Variants in CARMIL3 observed in about 807,000 individuals in gnomAD.
The protein encoded by CARMIL3 is capping protein, Arp2/3 and myosin-I linker protein 3.
CARMIL3 carries 88 observed loss-of-function variants against 180.8 expected under a neutral mutation model. The observed-to-expected ratio is 0.49, with a 90% confidence interval of 0.41 to 0.58. CARMIL3 has a LOEUF of 0.58. Among genes scored for constraint, CARMIL3 ranks in the 20% least tolerant of loss-of-function variants. The pLI, the probability that CARMIL3 is intolerant of heterozygous loss-of-function variation, is 0.00. For synonymous variants in CARMIL3, 696 were observed against 714.5 expected (o/e 0.97, Z 0.41); for missense variants, 1,548 against 1,787.0 (o/e 0.87, Z 2.41).
rs753335490 is a variant in CARMIL3 at position 24,054,529 on chromosome 14, G to A, written c.362+18G>A. Reference sequence around the variant, plus strand: ...GGCCCTGGGTGAGTGGCAAATAAGGGGTCTCTTAAGGCATTAGATGAGAGG... The same window carrying A: ...GGCCCTGGGTGAGTGGCAAATAAGGAGTCTCTTAAGGCATTAGATGAGAGG... On this transcript the variant is annotated intron_variant, in intron 5 of 39. Transcript: ENST00000342740. The surrounding 1 kb of genome is among the most constrained non-coding windows in gnomAD (Gnocchi z 5.1). 1.9e-6 allele frequency: 3 copies of A among 1,607,022 alleles called. No homozygotes were observed. The highest frequency in any genetic ancestry group is 2.2e-5 in the East Asian group (1 of 44,802).
chr14:24,064,171 G>T, intron 31 of CARMIL3, 75 bp from the exon 32 acceptor site: 1 of 948,514 alleles, frequency 1.1e-6, no homozygotes, highest in South Asian at 1.4e-5. Flanking sequence ...AGCCCAAAGG[G>T]GAATGCTCTG....
chr14:24,056,681 C>T lies in CARMIL3; in HGVS notation c.925C>T (p.Leu309=). The change falls in exon 12 of 40, where the codon CTG becomes TTG. Residue 309 remains leucine, a synonymous_variant. Transcript: ENST00000342740. ...CFPSGLTKLC[L]AKTAISPRGL... ...CCCCTCTGGCCTCACCAAACTGTGCCTGGCCAAGACTGCCATTTCCCCTCG... is the reference window on the plus strand; with the variant it reads ...CCCCTCTGGCCTCACCAAACTGTGCTTGGCCAAGACTGCCATTTCCCCTCG... 1 of 1,613,638 alleles carries T rather than the reference C, an allele frequency of 6.2e-7. No individual in the cohort carries two copies. Among genetic ancestry groups the T allele is most frequent in the East Asian group, 2.2e-5 (1 of 44,884 alleles).
intron 36 of CARMIL3, 114 bp from the exon 37 acceptor site, chr14:24,068,470 T>A: frequency 1.3e-6 from 1 of 789,692 alleles, no homozygotes; most frequent in East Asian, 2.8e-5. Context: ...TAGGAGCAAG[T>A]GGGCTTGGAG....
At chr14:24,068,397 CAAAAAAAA>C (rs796263850) in intron 36 of CARMIL3, among the ~76,000 whole-genome samples, 179 bp from the exon 37 acceptor site, 1 of 66,514 alleles carries the variant, frequency 1.5e-5, no homozygotes, top group Non-Finnish European at 3.1e-5. Context: ...ACTCCATCTC[CAAAAAAAA>C]AAAAAGAAAG....
Position 24,058,982 on chromosome 14 carries a change from G to A in CARMIL3, c.1567G>A (p.Ala523Thr). Reference protein sequence around the residue: ...LFLGKNFNVKAKTLEEILHKL... With the variant: ...LFLGKNFNVKTKTLEEILHKL... Reference sequence around the variant, plus strand: ...TTTGGGCAAGAACTTCAATGTCAAGGCCAAGTGAGGCCCCCTTTCCATGCC... The same window carrying A: ...TTTGGGCAAGAACTTCAATGTCAAGACCAAGTGAGGCCCCCTTTCCATGCC... The change falls in exon 19 of 40, where the codon GCC becomes ACC. Residue 523 changes from alanine to threonine, a missense_variant. By Grantham distance (58) the Ala-to-Thr change is moderately conservative. Transcript: ENST00000342740. This position sits in a 1 kb window ranked among gnomAD's most constrained non-coding sequence, Gnocchi z 6.4. 1 of 1,614,048 alleles carries A rather than the reference G, an allele frequency of 6.2e-7. No individual in the cohort carries two copies. Among genetic ancestry groups the A allele is most frequent in the Non-Finnish European group, 8.5e-7 (1 of 1,180,004 alleles).
In CARMIL3 at chr14:24,059,127, C is replaced by T. The variant is rs1035787835; in HGVS notation, c.1572-8C>T. 1.3e-6 allele frequency: 2 copies of T among 1,598,510 alleles called. No homozygotes were observed. Among genetic ancestry groups the T allele is most frequent in the Non-Finnish European group, 1.7e-6 (2 of 1,172,930 alleles). On this transcript the variant is annotated splice_region_variant and splice_polypyrimidine_tract_variant and intron_variant, in intron 19 of 39. Transcript: ENST00000342740. This position sits in a 1 kb window ranked among gnomAD's most constrained non-coding sequence, Gnocchi z 6.3. ...TCCCCTCCTACTCTGAGCCCCGCCT[C>T]CCTGCAGGACCCTGGAGGAGATCCT...
At position 24,055,797 on chromosome 14, in the gene CARMIL3, C is replaced by T; in HGVS notation, c.770+8C>T. On this transcript the variant is annotated splice_region_variant and intron_variant, in intron 10 of 39. Coordinates refer to ENST00000342740, the MANE Select transcript of CARMIL3 (RefSeq NM_138360.4). ...CAACGCCGGGCTTAAGACGTGAGGC[C>T]AGTCTCCTCCTTGGGCAGTAGTGCA... The T allele has an allele frequency of 6.2e-7, 1 of 1,613,696 alleles. No homozygotes were observed. Among genetic ancestry groups the T allele is most frequent in the Non-Finnish European group, 8.5e-7 (1 of 1,179,666 alleles).
rs2035753131 is a variant in CARMIL3, at chr14:24,063,421, G to A, written c.2867G>A (p.Gly956Asp). 1.9e-6 allele frequency: 3 copies of A among 1,613,794 alleles called. No homozygotes were observed. The highest frequency in any genetic ancestry group is 2.2e-5 in the South Asian group (2 of 91,082). ...GLGGSQPTASGSWEGLSELPT... is the reference protein window; with the variant it reads ...GLGGSQPTASDSWEGLSELPT... ...GGGGGCAGCCAGCCCACAGCTAGTG[G>A]CTCCTGGGAAGGTCTATCTGAGCTG... Residue 956 changes from glycine (G) to aspartate (D), a missense_variant, in exon 31 of 40, where the codon GGC (glycine) becomes GAC (aspartate). Transcript: ENST00000342740.
Position 24,059,356 on chromosome 14 carries a change from G to A in CARMIL3, c.1713G>A (p.Leu571=). The change falls in exon 21 of 40, where the codon CTG becomes CTA. Residue 571 remains leucine (L), a synonymous_variant. Transcript: ENST00000342740. This position sits in a 1 kb window ranked among gnomAD's most constrained non-coding sequence, Gnocchi z 6.3. The stretch of plus-strand genomic sequence containing the variant: ...ATGCCCTGGGCAGCAACACCTGCCT[G>A]GCCAAGGTGGATCTGAGCGGCAATG... The part of the protein sequence containing the change: ...LINALGSNTC[L]AKVDLSGNGM... The A allele has an allele frequency of 1.9e-6, 3 of 1,613,802 alleles. No homozygotes were observed. The highest frequency in any genetic ancestry group is 2.5e-6 in the Non-Finnish European group (3 of 1,179,894).
Position 24,069,377 on chromosome 14 carries a change from A to G in CARMIL3, c.4094-2A>G. The G allele has an allele frequency of 1.2e-6, 2 of 1,614,152 alleles. No homozygotes were observed. The highest frequency in any genetic ancestry group is 1.7e-6 in the Non-Finnish European group (2 of 1,180,016). ...AGGGCTCCCTGGATTTGTCCCCAGC[A>G]GGAACCAGTGAGCCAGGAACAGACT... On this transcript the variant is annotated splice_acceptor_variant, in intron 39 of 39. Coordinates refer to ENST00000342740, the MANE Select transcript of CARMIL3 (RefSeq NM_138360.4). LOFTEE classifies it high-confidence loss of function.
intron 1 of CARMIL3, 25 bp from the exon 2 acceptor site, chr14:24,053,684 T>G (rs773906556): frequency 6.3e-7 from 1 of 1,586,140 alleles, no homozygotes. Context: ...GGTGAAGCTC[T>G]GAGCAGGCTC....
rs746481028 is a variant in CARMIL3, at chr14:24,054,111, C to T, written c.159C>T (p.His53=). The change falls in exon 3 of 40, where the codon CAC becomes CAT. Residue 53 remains histidine (H), a synonymous_variant. Transcript: ENST00000342740. This position sits in a 1 kb window ranked among gnomAD's most constrained non-coding sequence, Gnocchi z 5.1. Reference sequence around the variant, plus strand: ...AGGCCCTGACCTCCTGGCGCCTCCACCTCTTCCTCCTTAAAGTCCCGGCCA... The same window carrying T: ...AGGCCCTGACCTCCTGGCGCCTCCATCTCTTCCTCCTTAAAGTCCCGGCCA... ...RVLALTSWRL[H]LFLLKVPAKV... The T allele has an allele frequency of 6.2e-6, 10 of 1,614,106 alleles. No homozygotes were observed. The highest frequency in any genetic ancestry group is 8.5e-6 in the Non-Finnish European group (10 of 1,180,022).
intron 34 of CARMIL3, 66 bp from the exon 35 acceptor site, chr14:24,066,332 C>T (rs1399197618): frequency 6.4e-7 from 1 of 1,553,388 alleles, no homozygotes; most frequent in Non-Finnish European, 8.8e-7. Context: ...AGAGCAGAAG[C>T]CCTTTGTCAG....
At position 24,068,957 on chromosome 14, in the gene CARMIL3, G is replaced by GAAGTCC; in HGVS notation, c.3977_3982dup (p.Val1326_Gln1327dup). 2 of 1,558,720 alleles carry GAAGTCC rather than the reference G, an allele frequency of 1.3e-6. No individual in the cohort carries two copies. The highest frequency in any genetic ancestry group is 1.7e-6 in the Non-Finnish European group (2 of 1,150,504). The stretch of plus-strand genomic sequence containing the variant: ...CTCACAGCAAGACCAAGAGGAGCCC[G>GAAGTCC]AAGTCCAAGGTCTGCCACCCTGGCT... On this transcript the variant is annotated inframe_insertion, in exon 38 of 40. Coordinates refer to ENST00000342740, the MANE Select transcript of CARMIL3 (RefSeq NM_138360.4).
chr14:24,063,333 C>T lies in CARMIL3; in HGVS notation c.2779C>T (p.Pro927Ser). The change falls in exon 31 of 40, where the codon CCT becomes TCT. Residue 927 changes from proline (P) to serine (S), a missense_variant. This residue lies in a region of CARMIL3 where 668 missense variants were observed against 687.8 expected (regional missense o/e 0.97). Coordinates refer to ENST00000342740, the MANE Select transcript of CARMIL3 (RefSeq NM_138360.4). ...TGCTGCTGTCTTTGCAGGCGGGAGC[C>T]CTCAGGACATGGAAAGCCAACTGGG... ...RPVSAFISGS[P>S]QDMESQLGNL... 1.3e-6 allele frequency: 2 copies of T among 1,599,814 alleles called. No individual in the cohort carries two copies. Among genetic ancestry groups the T allele is most frequent in the Non-Finnish European group, 1.7e-6 (2 of 1,170,234 alleles).
intron 12 of CARMIL3, 102 bp from the exon 13 acceptor site, chr14:24,056,813 A>G (rs1339382339): frequency 6.6e-7 from 1 of 1,517,738 alleles, no homozygotes; most frequent in African/African-American, 1.4e-5. Context: ...TCAGGGATGG[A>G]AGAGTGAAAA....
At chr14:24,057,084 G>A in intron 13 of CARMIL3, 60 bp downstream of exon 13, 1 of 1,594,466 alleles carries the variant, frequency 6.3e-7, no homozygotes, top group South Asian at 1.1e-5. Context: ...TCAGGAGCTG[G>A]GAGGCCTTCT....
intron 31 of CARMIL3, 24 bp downstream of exon 31, chr14:24,063,557 A>C: frequency 6.3e-7 from 1 of 1,583,582 alleles, no homozygotes; most frequent in Non-Finnish European, 8.6e-7. Context: ...GCTTCACAAG[A>C]GGATCCCCTT....
chr14:24,055,252 T>C lies in CARMIL3; in HGVS notation c.547T>C (p.Tyr183His). ...EEVQWDVDTIYHAEDNREFNL... is the reference protein window; with the variant it reads ...EEVQWDVDTIHHAEDNREFNL... ...CCTCTCCAAGGATGTGGACACCATC[T>C]ACCATGCTGAAGATAACCGGGAGTT... The change falls in exon 8 of 40, where the codon TAC (tyrosine) becomes CAC (histidine). Residue 183 changes from tyrosine to histidine, a missense_variant. By Grantham distance (83) the Tyr-to-His change is moderately conservative. Transcript: ENST00000342740. 1 of 1,614,168 alleles carries C rather than the reference T, an allele frequency of 6.2e-7. No homozygotes were observed. Among genetic ancestry groups the C allele is most frequent in the Non-Finnish European group, 8.5e-7 (1 of 1,180,016 alleles).
Sources: gnomAD v4.1 joint callset for allele counts (sites outside exome capture counted in the v4.1 genomes callset) on GRCh38, gnomAD v4.1.1 for gene constraint, gnomAD v4.1.1 regional missense constraint, Gnocchi (gnomAD v3.1) non-coding constraint, MANE v1.5 for transcripts, NCBI Gene and HGNC (gene_info 2026-07-23, HGNC 2026-07-21) for gene names.